FAM120A: variants seen among roughly 807,000 people sequenced by gnomAD.
The protein encoded by FAM120A is constitutive coactivator of PPAR-gamma-like protein 1.
In FAM120A, 15 loss-of-function variants were observed where a neutral mutation model predicts 109.7. That is an observed-to-expected ratio of 0.14 (90% CI 0.09 to 0.21). The LOEUF is 0.21. Ranked by LOEUF, FAM120A falls within the 10% of genes least tolerant of loss-of-function variation. The probability of loss-of-function intolerance (pLI) is 1.00; values close to 1 mark genes in which losing one functional copy is unlikely to be tolerated. For synonymous variants in FAM120A, 493 were observed against 572.8 expected, an observed-to-expected ratio of 0.86 and a Z score of 1.99; for missense variants, 899 against 1,439.3, an observed-to-expected ratio of 0.62 and a Z score of 6.07.
chr9:93,529,568 T>C lies in FAM120A; in HGVS notation c.1722T>C (p.His574=), dbSNP rs1409130629. 8.1e-6 allele frequency: 13 copies of C among 1,614,256 alleles called. No homozygotes were observed. Among genetic ancestry groups the C allele is most frequent in the Non-Finnish European group, 1.1e-5 (13 of 1,180,034 alleles). ...KKGLMYPYIF[H]VLTKGEIKIA... is the part of the protein sequence containing the mutation. Reference sequence around the variant, plus strand: ...GGCTGATGTACCCCTACATCTTCCATGTCCTGACGAAGGTATTATCAAAGG... The same window carrying C: ...GGCTGATGTACCCCTACATCTTCCACGTCCTGACGAAGGTATTATCAAAGG... The change falls in exon 9 of 18, where the codon CAT becomes CAC. Residue 574 remains histidine (H), a synonymous_variant. Coordinates refer to ENST00000277165, the MANE Select transcript of FAM120A (RefSeq NM_014612.5).
chr9:93,492,534 C>T (rs1183680371), intron 3 of FAM120A, among the ~76,000 whole-genome samples: 1 of 152,088 alleles, frequency 6.6e-6, no homozygotes. Context: ...AGCAAATGCA[C>T]ACCAGGTCCT....
intron 13 of FAM120A, 113 bp from the exon 14 acceptor site, chr9:93,557,714 G>T (rs989231382): frequency 6.6e-6 from 7 of 1,060,734 alleles, no homozygotes; most frequent in Non-Finnish European, 8.0e-6. Flanking sequence ...TAGAATTCAT[G>T]AATAAAGGGA....
At chr9:93,485,923 A>G (rs1167014701) in intron 3 of FAM120A, among the ~76,000 whole-genome samples, 1 of 152,214 alleles carries the variant, frequency 6.6e-6, no homozygotes, top group Non-Finnish European at 1.5e-5. Context: ...TTCACTGAGT[A>G]TAGTACTTTC....
At chr9:93,497,427 G>A in intron 3 of FAM120A, 44 bp from the exon 4 acceptor site, 1 of 1,606,612 alleles carries the variant, frequency 6.2e-7, no homozygotes, top group South Asian at 1.1e-5. Context: ...GCCTGGTACT[G>A]GTTGCTCACC....
chr9:93,465,884 C>T (rs1457686333), intron 1 of FAM120A, among the ~76,000 whole-genome samples: 2 of 152,192 alleles, frequency 1.3e-5, no homozygotes, highest in African/African-American at 4.8e-5. Flanking sequence ...CTTGACACTT[C>T]TGAGGAGTAC....
At chr9:93,471,022 C>A in intron 1 of FAM120A, 119 bp from the exon 2 acceptor site, 1 of 1,242,514 alleles carries the variant, frequency 8.0e-7, no homozygotes, top group Non-Finnish European at 1.1e-6. Context: ...GACTGTTTGG[C>A]TTTCACGGAT....
intron 7 of FAM120A, among the ~76,000 whole-genome samples, chr9:93,517,077 C>A (rs1450208888): frequency 1.3e-5 from 2 of 152,108 alleles, no homozygotes; most frequent in African/African-American, 4.8e-5. Context: ...CCAGTTCTTA[C>A]CTTGTGTGTC....
chr9:93,532,544 T>C lies in FAM120A; in HGVS notation c.1909+215T>C, dbSNP rs1861368954. 1.8e-6 allele frequency: 1 copy of C among 565,036 alleles called. No individual in the cohort carries two copies. The highest frequency in any genetic ancestry group is 3.1e-5 in the Admixed American group (1 of 32,090). The allele number at this position is 565,036 out of a possible 1,614,324, so 35.0% of individuals were successfully genotyped here. A position where few individuals can be genotyped will look rare whatever the true frequency, so the allele number is the denominator to read the frequency against. ...TTCCTCAGTAACATTCCAATAATGA[T>C]GTTTATTCAGTAAAATAATAAAACA... is the stretch of plus-strand genomic sequence containing the variant. On this transcript the variant is annotated intron_variant, in intron 10 of 17. Coordinates refer to ENST00000277165, the MANE Select transcript of FAM120A (RefSeq NM_014612.5). The surrounding 1 kb of genome is among the most constrained non-coding windows in gnomAD (Gnocchi z 4.3).
At chr9:93,485,411 C>T (rs1047711257) in intron 3 of FAM120A, among the ~76,000 whole-genome samples, 19 of 152,026 alleles carry the variant, frequency 1.2e-4, no homozygotes, top group Admixed American at 9.2e-4. Context: ...GCCTGGGTAA[C>T]ATAGTGAGAC....
intron 1 of FAM120A, among the ~76,000 whole-genome samples, chr9:93,458,304 C>T (rs150903139): frequency 4.8e-4 from 73 of 151,578 alleles, no homozygotes; most frequent in African/African-American, 1.7e-3. Flanking sequence ...CCGCTCCCAC[C>T]GTCTGTCCCC....
rs76750744 is a variant in FAM120A, at chr9:93,454,861, G to C, written c.474+2472G>C. On this transcript the variant is annotated intron_variant, in intron 1 of 17. Transcript: ENST00000277165. ...CCATGATATCACTACATGCCTATTA[G>C]AATGGCTAAAAGAGAAAAAAATATG... 1.2e-4 allele frequency among the ~76,000 whole-genome samples: 19 copies of C among 152,298 alleles called. No individual in the cohort carries two copies. In the East Asian group the frequency reaches 3.5e-3, roughly 28 times the overall value.
At chr9:93,469,546 G>C (rs540889408) in intron 1 of FAM120A, among the ~76,000 whole-genome samples, 2 of 152,150 alleles carry the variant, frequency 1.3e-5, no homozygotes, top group African/African-American at 4.8e-5. Context: ...ATAATAAAAA[G>C]ATTTGAGGTA....
At chr9:93,514,641 A>C (rs990003461) in intron 5 of FAM120A, among the ~76,000 whole-genome samples, 2 of 152,094 alleles carry the variant, frequency 1.3e-5, no homozygotes, top group Admixed American at 1.3e-4. Context: ...TCAGCACCTA[A>C]GTGTTCTGAG....
chr9:93,557,984 C>T lies in FAM120A; in HGVS notation c.2642C>T (p.Ser881Phe). 1 of 1,600,954 alleles carries T rather than the reference C, an allele frequency of 6.2e-7. No homozygotes were observed. Among genetic ancestry groups the T allele is most frequent in the Non-Finnish European group, 8.5e-7 (1 of 1,179,222 alleles). ...CGGCACTTTGGGCCTGTCCCACCCT[C>T]TCAGGGCAGGGGCAGAGGCTTTGCA... ...YPRHFGPVPP[S>F]QGRGRGFAGV... The change falls in exon 14 of 18, where the codon TCT becomes TTT. Residue 881 changes from serine to phenylalanine, a missense_variant. Around this residue, in one of 11 missense-constraint regions of FAM120A, gnomAD observed 129 missense variants for 153.4 expected, o/e 0.84. Coordinates refer to ENST00000277165, the MANE Select transcript of FAM120A (RefSeq NM_014612.5).
chr9:93,453,642 C>G, intron 1 of FAM120A: 1 of 985,400 alleles, frequency 1.0e-6, no homozygotes, highest in Non-Finnish European at 1.2e-6. Context: ...GTGTTTAAGT[C>G]GTGGGTGGAG....
chr9:93,544,453 G>T (rs1451106475), intron 11 of FAM120A, among the ~76,000 whole-genome samples: 2 of 152,192 alleles, frequency 1.3e-5, no homozygotes, highest in African/African-American at 4.8e-5. Flanking sequence ...AGATACTGTT[G>T]ACGTTTTGAA....
chr9:93,545,811 C>T (rs1434413693), intron 11 of FAM120A, among the ~76,000 whole-genome samples: 6 of 33,104 alleles, frequency 1.8e-4, no homozygotes, highest in African/African-American at 7.5e-4. Context: ...TTTTTTGAGA[C>T]GGAGTTTTTT....
chr9:93,476,839 C>T (rs560553558), intron 3 of FAM120A, among the ~76,000 whole-genome samples: 6 of 152,092 alleles, frequency 3.9e-5, no homozygotes, highest in Non-Finnish European at 7.4e-5. Context: ...TTCTTTTTCT[C>T]CCTTTTGATT....
At chr9:93,556,295 T>C (rs910826867) in intron 12 of FAM120A, 87 bp from the exon 13 acceptor site, 2 of 1,111,298 alleles carry the variant, frequency 1.8e-6, no homozygotes, top group Non-Finnish European at 2.7e-6. Flanking sequence ...AATATTCTGT[T>C]AACTTTGGAG....
Sources: gnomAD v4.1 joint callset for allele counts (sites outside exome capture counted in the v4.1 genomes callset) on GRCh38, gnomAD v4.1.1 for gene constraint, gnomAD v4.1.1 regional missense constraint, Gnocchi (gnomAD v3.1) non-coding constraint, MANE v1.5 for transcripts, NCBI Gene and HGNC (gene_info 2026-07-23, HGNC 2026-07-21) for gene names.